COG2: variants seen among roughly 807,000 people sequenced by gnomAD.
COG2 encodes component of oligomeric golgi complex 2.
COG2 carries 52 observed loss-of-function variants against 90.6 expected under a neutral mutation model. The observed-to-expected ratio is 0.57, with a 90% confidence interval of 0.46 to 0.72. The LOEUF (loss-of-function observed/expected upper bound fraction) is 0.72. Among genes scored for constraint, COG2 ranks in the 30% least tolerant of loss-of-function variants. The pLI, the probability that COG2 is intolerant of heterozygous loss-of-function variation, is 0.00. For synonymous variants in COG2, 337 were observed against 320.4 expected (o/e 1.05, Z -0.55); for missense variants, 829 against 891.2 (o/e 0.93, Z 0.89).
intron 9 of COG2, chr1:230,677,991 A>G: frequency 1.0e-6 from 1 of 985,226 alleles, no homozygotes; most frequent in East Asian, 1.1e-4. Flanking sequence ...GTTTGCCCAA[A>G]ACCATTTGAA....
chr1:230,687,258 A>G, intron 13 of COG2, 126 bp downstream of exon 13: 2 of 663,852 alleles, frequency 3.0e-6, no homozygotes, highest in South Asian at 2.7e-5. Flanking sequence ...GGGTACCCCA[A>G]GAGAGAACCT....
In COG2 at chr1:230,687,111, C is replaced by G; in HGVS notation, c.1557C>G (p.Asp519Glu). ...SRTQLVYVVA[D>E]LDKLQEQLPE... ...CTCAGCTCGTGTATGTGGTTGCAGA[C>G]CTGGACAAGCTTCAGGAGCAGGTAA... The change falls in exon 13 of 18, where the codon GAC (aspartate) becomes GAG (glutamate). Residue 519 changes from aspartate (D) to glutamate (E), a missense_variant. Physicochemically the swap from Asp to Glu is conservative, Grantham distance 45 (BLOSUM62 2). Coordinates refer to ENST00000366669, the MANE Select transcript of COG2 (RefSeq NM_007357.3). The G allele has an allele frequency of 6.2e-7, 1 of 1,611,694 alleles. No individual in the cohort carries two copies.
At chr1:230,677,183 CT>C (rs1395286170) in intron 9 of COG2, among the ~76,000 whole-genome samples, 5 of 152,164 alleles carry the variant, frequency 3.3e-5, no homozygotes, top group African/African-American at 1.2e-4. Context: ...ATTTCACAGT[CT>C]GTCTTCTAGG....
intron 7 of COG2, chr1:230,671,185 CAGTG>C (rs1254158793): frequency 1.3e-5 from 2 of 159,602 alleles, no homozygotes; most frequent in Non-Finnish European, 2.7e-5. Context: ...AGGATGAAGA[CAGTG>C]AGGAGTTGTG....
intron 13 of COG2, 109 bp downstream of exon 13, chr1:230,687,241 G>T: frequency 2.0e-5 from 17 of 836,130 alleles, no homozygotes; most frequent in Non-Finnish European, 2.7e-5. Context: ...TAAATTGGGG[G>T]ACCCGTGGGT....
intron 9 of COG2, chr1:230,678,427 A>C: frequency 1.0e-6 from 1 of 985,386 alleles, no homozygotes; most frequent in African/African-American, 1.7e-5. Flanking sequence ...GCCACTCTTA[A>C]TGGTTTTGGT....
intron 10 of COG2, chr1:230,679,961 T>C (rs1662699387): frequency 6.6e-6 from 1 of 152,188 alleles, no homozygotes; most frequent in South Asian, 2.1e-4. Flanking sequence ...ATGTATGTAA[T>C]GATCTTTTTA....
chr1:230,671,485 C>CT (rs761822304), intron 7 of COG2, 31 bp from the exon 8 acceptor site: 1 of 1,584,878 alleles, frequency 6.3e-7, no homozygotes, highest in South Asian at 1.2e-5. Context: ...CTTTTAAATG[C>CT]TTTTTTAAAA....
At chr1:230,687,710 A>G (rs959371098) in intron 13 of COG2, among the ~76,000 whole-genome samples, 4 of 152,072 alleles carry the variant, frequency 2.6e-5, no homozygotes, top group African/African-American at 9.7e-5. Flanking sequence ...TCAAGTTTAG[A>G]TATTTTGTGG....
chr1:230,693,498 A>G lies in COG2; in HGVS notation c.*105A>G. On this transcript the variant is annotated 3_prime_UTR_variant, in exon 18 of 18. Coordinates refer to ENST00000366669, the MANE Select transcript of COG2 (RefSeq NM_007357.3). ...TGTTCTCTTAGCAACCGTCTGTAGC[A>G]AAGAAGTGCTTCCAGCATCACTCCA... The G allele has an allele frequency of 7.5e-6, 5 of 670,124 alleles. No individual in the cohort carries two copies. In the South Asian group the frequency reaches 1.0e-4, roughly 14 times the overall value. 41.5% of individuals were successfully genotyped at this position (670,124 alleles called of 1,614,324 possible).
intron 15 of COG2, among the ~76,000 whole-genome samples, chr1:230,689,224 T>A (rs1168781418): frequency 1.3e-5 from 2 of 152,204 alleles, no homozygotes; most frequent in African/African-American, 4.8e-5. Flanking sequence ...AAAGATGATT[T>A]AAACTATACT....
At chr1:230,670,228 A>T (rs748866318) in intron 7 of COG2, 1 of 152,220 alleles carries the variant, frequency 6.6e-6, no homozygotes, top group Non-Finnish European at 1.5e-5. Context: ...TGTGCCATAT[A>T]AAGTTGCTGA....
chr1:230,686,086 CT>C (rs1438719144), intron 12 of COG2, among the ~76,000 whole-genome samples: 1 of 152,066 alleles, frequency 6.6e-6, no homozygotes, highest in Admixed American at 6.5e-5. Flanking sequence ...GGCTCTTTAA[CT>C]TTTTAATTCT....
Position 230,692,215 on chromosome 1 carries a change from A to G in COG2, c.2115+651A>G, listed in dbSNP as rs116088605. ...CTAGATGTTCAGAAACTGGCCTTCTAAACTGTTAAAGCGTCGCACATAGTA... is the reference window on the plus strand; with the variant it reads ...CTAGATGTTCAGAAACTGGCCTTCTGAACTGTTAAAGCGTCGCACATAGTA... On this transcript the variant is annotated intron_variant, in intron 17 of 17. Transcript: ENST00000366669. Among the ~76,000 whole-genome samples the G allele has an allele frequency of 3.4e-3, 519 of 152,226 alleles. 4 individuals carry two copies. Among genetic ancestry groups the G allele is most frequent in the African/African-American group, 0.012 (491 of 41,542 alleles).
intron 1 of COG2, 63 bp downstream of exon 1, chr1:230,642,741 T>G: frequency 1.3e-6 from 2 of 1,529,560 alleles, no homozygotes; most frequent in Non-Finnish European, 1.8e-6. Flanking sequence ...GTGCCCTCTG[T>G]GGCGGTCTCT....
At chr1:230,692,119 A>G (rs939985322) in intron 17 of COG2, among the ~76,000 whole-genome samples, 1 of 152,004 alleles carries the variant, frequency 6.6e-6, no homozygotes, top group Non-Finnish European at 1.5e-5. Flanking sequence ...TTCATTTTTC[A>G]CTGAGGTGAA....
chr1:230,664,968 A>G (rs534858186), intron 5 of COG2, among the ~76,000 whole-genome samples: 15 of 152,352 alleles, frequency 9.8e-5, no homozygotes, highest in Non-Finnish European at 1.8e-4. Flanking sequence ...CTTGAGGTTC[A>G]AAATGCACGA....
intron 1 of COG2, 38 bp downstream of exon 1, chr1:230,642,716 G>C (rs750428614): frequency 1.3e-6 from 2 of 1,594,542 alleles, no homozygotes; most frequent in Middle Eastern, 1.7e-4. Flanking sequence ...CGGGCCATGA[G>C]GGTGCCTCTG....
At chr1:230,674,916 T>C in intron 8 of COG2, 82 bp from the exon 9 acceptor site, 1 of 1,088,020 alleles carries the variant, frequency 9.2e-7, no homozygotes, top group East Asian at 2.7e-5. Flanking sequence ...TGCGGATCTT[T>C]TGGCAGAAGC....
Sources: allele counts gnomAD v4.1 joint callset (sites outside exome capture counted in the v4.1 genomes callset), GRCh38; gene constraint gnomAD v4.1.1; transcripts MANE v1.5; gene names NCBI Gene and HGNC (gene_info 2026-07-23, HGNC 2026-07-21).